Variants in SLC4A1 observed in about 807,000 individuals in gnomAD.
SLC4A1 encodes the protein band 3 anion transport protein.
Under a neutral mutation model 93.1 loss-of-function variants are expected in SLC4A1, and 29 were observed. The observed-to-expected ratio is 0.31, with a 90% CI of 0.23 to 0.42. The LOEUF (loss-of-function observed/expected upper bound fraction) is 0.42, where lower values mean the gene tolerates loss of function less well. Ranked by LOEUF, SLC4A1 falls within the 20% of genes least tolerant of loss-of-function variation. SLC4A1 has a pLI of 1.00. For synonymous variants in SLC4A1, 469 were observed against 497.2 expected (o/e 0.94, Z 0.76); for missense variants, 965 against 1,190.1 (o/e 0.81, Z 2.78).
chr17:44,250,060 C>T lies in SLC4A1; in HGVS notation c.*398G>A, dbSNP rs2047324829. 3.7e-6 allele frequency: 1 copy of T among 269,602 alleles called. No homozygotes were observed. Among genetic ancestry groups the T allele is most frequent in the Non-Finnish European group, 7.3e-6 (1 of 136,304 alleles). The allele number at this position is 269,602 out of a possible 1,614,324, so 16.7% of individuals were successfully genotyped here. A position where few individuals can be genotyped will look rare whatever the true frequency, so the allele number is the denominator to read the frequency against. On this transcript the variant is annotated 3_prime_UTR_variant, in exon 20 of 20. Transcript: ENST00000262418. ...CATTTTACAGAAGAGGAAATATAGG[C>T]TGGAAAGGTCAAGGGACTTGCCCAA... is the stretch of plus-strand genomic sequence containing the variant.
chr17:44,261,874 T>G (rs2047448839), intron 3 of SLC4A1, among the ~76,000 whole-genome samples: 2 of 152,098 alleles, frequency 1.3e-5, no homozygotes, highest in South Asian at 4.2e-4. Context: ...ACACCCGGGA[T>G]TCAGCCAGGG....
chr17:44,252,823 G>A (rs2047354509), intron 17 of SLC4A1, among the ~76,000 whole-genome samples: 2 of 152,206 alleles, frequency 1.3e-5, no homozygotes, highest in Admixed American at 6.5e-5. Context: ...CAGCAGGGCA[G>A]GGCTAGAACC....
chr17:44,257,202 G>A, intron 13 of SLC4A1, 148 bp downstream of exon 13: 2 of 760,700 alleles, frequency 2.6e-6, no homozygotes, highest in Non-Finnish European at 4.7e-6. Context: ...ATGTTGGTCA[G>A]GCTGGTCTTG....
At chr17:44,267,932 C>A (rs1280883725) in intron 1 of SLC4A1, 122 bp downstream of exon 1, 1 of 312,136 alleles carries the variant, frequency 3.2e-6, no homozygotes, top group Non-Finnish European at 4.7e-6. Context: ...ACCCCACCCA[C>A]CTGCACCCCC....
Position 44,249,050 on chromosome 17 carries a change from C to A in SLC4A1, c.*1408G>T, listed in dbSNP as rs1413448344. ...CTAATTTTTGTATTTTTAGTAGTAA[C>A]GGGGTTTCACCATGTTGGCCAGGCT... On this transcript the variant is annotated 3_prime_UTR_variant, in exon 20 of 20. Transcript: ENST00000262418. 2.8e-6 allele frequency: 1 copy of A among 360,602 alleles called. No homozygotes were observed. Among genetic ancestry groups the A allele is most frequent in the East Asian group, 8.9e-5 (1 of 11,194 alleles). The allele number at this position is 360,602 out of a possible 1,614,324, so 22.3% of individuals were successfully genotyped here.
At chr17:44,263,695 TCCCTC>T (rs1488506498) in intron 1 of SLC4A1, among the ~76,000 whole-genome samples, 3 of 94,720 alleles carry the variant, frequency 3.2e-5, no homozygotes, top group Non-Finnish European at 6.4e-5. Flanking sequence ...CCTCCCTCCT[TCCCTC>T]CCTTCCCTCC....
At chr17:44,260,067 C>G in intron 6 of SLC4A1, 135 bp from the exon 7 acceptor site, 1 of 1,130,954 alleles carries the variant, frequency 8.8e-7, no homozygotes, top group Non-Finnish European at 1.3e-6. Flanking sequence ...CCAGACCAGA[C>G]CAGAGAGACC....
chr17:44,260,751 G>A lies in SLC4A1; in HGVS notation c.233C>T (p.Ala78Val), dbSNP rs186542577. Residue 78 changes from alanine to valine, a missense_variant, in exon 5 of 20, where the codon GCG becomes GTG. Physicochemically the swap from Ala to Val is moderately conservative, Grantham distance 64. This residue lies in a region of SLC4A1 where 195 missense variants were observed against 183.5 expected (regional missense o/e 1.06). Transcript: ENST00000262418. Reference sequence around the variant, plus strand: ...CTCCTCCAGTTGCACCCAGCGCGCCGCCTCCATCCATCTCAGCTCCTGGTT... The same window carrying A: ...CTCCTCCAGTTGCACCCAGCGCGCCACCTCCATCCATCTCAGCTCCTGGTT... ...EKNQELRWME[A>V]ARWVQLEENL... 1.5e-5 allele frequency: 25 copies of A among 1,613,976 alleles called. No homozygotes were observed. Among genetic ancestry groups the A allele is most frequent in the African/African-American group, 8.0e-5 (6 of 75,032 alleles).
At chr17:44,266,428 G>A (rs943377120) in intron 1 of SLC4A1, among the ~76,000 whole-genome samples, 1 of 152,200 alleles carries the variant, frequency 6.6e-6, no homozygotes, top group African/African-American at 2.4e-5. Context: ...TATCTGAGGA[G>A]TGGAATGGTC....
intron 1 of SLC4A1, among the ~76,000 whole-genome samples, chr17:44,263,148 A>G (rs2047461919): frequency 6.6e-6 from 1 of 152,100 alleles, no homozygotes; most frequent in South Asian, 2.1e-4. Context: ...TGCAGGGAAG[A>G]GGTAAGTCTG....
intron 1 of SLC4A1, among the ~76,000 whole-genome samples, chr17:44,263,154 G>A (rs937553980): frequency 2.6e-5 from 4 of 152,208 alleles, no homozygotes; most frequent in African/African-American, 9.7e-5. Flanking sequence ...GAAGAGGTAA[G>A]TCTGGCTGGC....
At position 44,255,615 on chromosome 17, in the gene SLC4A1, G is replaced by T. The variant is rs1032905892; in HGVS notation, c.1800+58C>A. 4 of 1,546,844 alleles carry T rather than the reference G, an allele frequency of 2.6e-6. No homozygotes were observed. In the Admixed American group the frequency reaches 5.0e-5, roughly 19 times the overall value. ...GGGCACTGAGGAATTTGGAGCGGGG[G>T]GGCTTTGGGCTGGGATAGGGCAGTG... On this transcript the variant is annotated intron_variant, in intron 14 of 19. Transcript: ENST00000262418.
rs1567832529 is a variant in SLC4A1, at chr17:44,258,051, A to G, written c.1217T>C (p.Leu406Pro). Residue 406 changes from leucine to proline, a missense_variant, in exon 11 of 20, where the codon CTG becomes CCG. By Grantham distance (98) the Leu-to-Pro change is moderately conservative. Around this residue, in one of 2 missense-constraint regions of SLC4A1, gnomAD observed 770 missense variants for 1,006.6 expected, o/e 0.76. Coordinates refer to ENST00000262418, the MANE Select transcript of SLC4A1 (RefSeq NM_000342.4). This position sits in a 1 kb window ranked among gnomAD's most constrained non-coding sequence, Gnocchi z 6.1. ...DITDAFSPQV[L>P]AAVIFIYFAA... The stretch of plus-strand genomic sequence containing the variant: ...AAAGTAGATGAAGATGACGGCAGCC[A>G]GGACCTGGGGGCTGAATGCATCTGT... The G allele has an allele frequency of 1.2e-6, 2 of 1,614,106 alleles. No homozygotes were observed. Among genetic ancestry groups the G allele is most frequent in the East Asian group, 2.2e-5 (1 of 44,874 alleles).
In SLC4A1 at chr17:44,257,703, C is replaced by T. The variant is rs1295178036; in HGVS notation, c.1387G>A (p.Gly463Ser). 3 of 1,613,868 alleles carry T rather than the reference C, an allele frequency of 1.9e-6. No individual in the cohort carries two copies. The highest frequency in any genetic ancestry group is 1.3e-5 in the African/African-American group (1 of 74,982). ...LLGAQPLLVV[G>S]FSGPLLVFEE... ...AACACCAGCAGGGGTCCTGAGAAGC[C>T]GACCACAAGCAGGGGCTGAGCCCCC... Residue 463 changes from glycine to serine, a missense_variant, in exon 12 of 20, where the codon GGC (glycine) becomes AGC (serine). Around this residue, in one of 2 missense-constraint regions of SLC4A1, gnomAD observed 770 missense variants for 1,006.6 expected, o/e 0.76. Transcript: ENST00000262418.
intron 4 of SLC4A1, 129 bp downstream of exon 4, chr17:44,261,446 A>G: frequency 6.7e-7 from 1 of 1,490,062 alleles, no homozygotes; most frequent in Non-Finnish European, 9.3e-7. Flanking sequence ...TGGGATCCTC[A>G]CTCCTCTATC....
Position 44,250,481 on chromosome 17 carries a change from C to A in SLC4A1, c.2713G>T (p.Asp905Tyr). ...CCTCACACAGGCATGGCCACTTCGTCGTATTCATCCCGACCTTCCTCCTCA... is the reference window on the plus strand; with the variant it reads ...CCTCACACAGGCATGGCCACTTCGTAGTATTCATCCCGACCTTCCTCCTCA... Reference protein sequence around the residue: ...FDEEEGRDEYDEVAMPV With the variant: ...FDEEEGRDEYYEVAMPV The change falls in exon 20 of 20, where the codon GAC (aspartate) becomes TAC (tyrosine). Residue 905 changes from aspartate to tyrosine, a missense_variant. Coordinates refer to ENST00000262418, the MANE Select transcript of SLC4A1 (RefSeq NM_000342.4). 6.2e-7 allele frequency: 1 copy of A among 1,613,942 alleles called. No homozygotes were observed. Among genetic ancestry groups the A allele is most frequent in the Non-Finnish European group, 8.5e-7 (1 of 1,179,944 alleles).
At position 44,259,841 on chromosome 17, in the gene SLC4A1, A is replaced by G. The variant is rs1347029746; in HGVS notation, c.577T>C (p.Ser193Pro). The G allele has an allele frequency of 1.2e-6, 2 of 1,613,728 alleles. No individual in the cohort carries two copies. The highest frequency in any genetic ancestry group is 2.7e-5 in the African/African-American group (2 of 74,780). ...DPSQPLLPQHSSLETQLFCEQ... is the reference protein window; with the variant it reads ...DPSQPLLPQHPSLETQLFCEQ... Reference sequence around the variant, plus strand: ...CAGAAGAGCTGTGTCTCCAGTGAGGAGTGTTGGGGGAGCAGAGGCTGTGAA... The same window carrying G: ...CAGAAGAGCTGTGTCTCCAGTGAGGGGTGTTGGGGGAGCAGAGGCTGTGAA... The change falls in exon 7 of 20, where the codon TCC becomes CCC. Residue 193 changes from serine (S) to proline (P), a missense_variant. By Grantham distance (74) the Ser-to-Pro change is moderately conservative. Transcript: ENST00000262418.
At position 44,262,937 on chromosome 17, in the gene SLC4A1, G is replaced by A; in HGVS notation, c.-68-3C>T. Reference sequence around the variant, plus strand: ...AGCATAACCCGCACCGCGGGTCCCTGCAGCAGAGGGCACAGGCTGAGTGGG... The same window carrying A: ...AGCATAACCCGCACCGCGGGTCCCTACAGCAGAGGGCACAGGCTGAGTGGG... On this transcript the variant is annotated splice_region_variant and splice_polypyrimidine_tract_variant and intron_variant, in intron 1 of 19. Coordinates refer to ENST00000262418, the MANE Select transcript of SLC4A1 (RefSeq NM_000342.4). 2 of 1,611,474 alleles carry A rather than the reference G, an allele frequency of 1.2e-6. No homozygotes were observed. The highest frequency in any genetic ancestry group is 1.1e-5 in the South Asian group (1 of 91,040).
rs2047324358 is a variant in SLC4A1 at position 44,249,990 on chromosome 17, T to C, written c.*468A>G. 1 of 202,722 alleles carries C rather than the reference T, an allele frequency of 4.9e-6. No individual in the cohort carries two copies. Among genetic ancestry groups the C allele is most frequent in the Admixed American group, 5.2e-5 (1 of 19,050 alleles). The allele number at this position is 202,722 out of a possible 1,614,324, so 12.6% of individuals were successfully genotyped here. On this transcript the variant is annotated 3_prime_UTR_variant, in exon 20 of 20. Coordinates refer to ENST00000262418, the MANE Select transcript of SLC4A1 (RefSeq NM_000342.4). ...AGCCCTATTTTACATGTATCTTTGG[T>C]CCTCAGTAACCATCCTGTAATGTGG...
Sources: gnomAD v4.1 joint callset for allele counts (sites outside exome capture counted in the v4.1 genomes callset) on GRCh38, gnomAD v4.1.1 for gene constraint, gnomAD v4.1.1 regional missense constraint, Gnocchi (gnomAD v3.1) non-coding constraint, MANE v1.5 for transcripts, NCBI Gene and HGNC (gene_info 2026-07-23, HGNC 2026-07-21) for gene names.